The following SCUBE1 variants were observed in gnomAD, a reference collection of about 807,000 sequenced individuals.
SCUBE1 encodes the protein signal peptide, CUB and EGF-like domain-containing protein 1.
Under a neutral mutation model 124.4 loss-of-function variants are expected in SCUBE1, and 59 were observed. That is an observed-to-expected ratio of 0.47 (90% CI 0.38 to 0.59). The LOEUF is 0.59. SCUBE1 is among the 20% of genes least tolerant of loss of function. The probability of loss-of-function intolerance (pLI) is 0.00; values close to 1 mark genes in which losing one functional copy is unlikely to be tolerated. For synonymous variants in SCUBE1, 545 were observed against 550.9 expected, an observed-to-expected ratio of 0.99 and a Z score of 0.15; for missense variants, 1,150 against 1,371.2, an observed-to-expected ratio of 0.84 and a Z score of 2.55.
chr22:43,339,317 C>G, intron 1 of SCUBE1, 82 bp from the exon 2 acceptor site: 1 of 1,405,162 alleles, frequency 7.1e-7, no homozygotes, highest in Non-Finnish European at 9.8e-7. Flanking sequence ...AGGGGGAGCT[C>G]TTGCCTTTGC....
intron 4 of SCUBE1, among the ~76,000 whole-genome samples, chr22:43,277,233 C>T (rs1187725910): frequency 2.6e-5 from 4 of 152,134 alleles, no homozygotes; most frequent in East Asian, 3.9e-4. Flanking sequence ...ATGAGAAGTT[C>T]ACTATGGCTG....
At chr22:43,279,906 T>A (rs1302529290) in intron 4 of SCUBE1, among the ~76,000 whole-genome samples, 2 of 152,140 alleles carry the variant, frequency 1.3e-5, no homozygotes, top group Non-Finnish European at 2.9e-5. Flanking sequence ...AATCCTGATG[T>A]CCCCAGTCCC....
chr22:43,231,123 C>G (rs1922534974), intron 8 of SCUBE1, among the ~76,000 whole-genome samples: 1 of 152,200 alleles, frequency 6.6e-6, no homozygotes, highest in South Asian at 2.1e-4. Context: ...TCCTTGTGGT[C>G]CCCTAAACCT....
intron 4 of SCUBE1, among the ~76,000 whole-genome samples, chr22:43,272,226 G>A (rs553186731): frequency 1.2e-3 from 175 of 152,126 alleles, no homozygotes; most frequent in African/African-American, 4.0e-3. Flanking sequence ...GGGGTCCTGG[G>A]TCCCAGCTGG....
At chr22:43,238,621 C>T in intron 7 of SCUBE1, 1 of 638,880 alleles carries the variant, frequency 1.6e-6, no homozygotes, top group South Asian at 1.8e-5. Context: ...TGCCGTGGGA[C>T]CTGTGTTCTC....
rs116036873 is a variant in SCUBE1, at chr22:43,321,566, C to G, written c.221-1501G>C. On this transcript the variant is annotated intron_variant, in intron 2 of 21. Coordinates refer to ENST00000360835, the MANE Select transcript of SCUBE1 (RefSeq NM_173050.5). ...AACGCGCCAGAGTAAGGGGTCTGGG[C>G]TGTGCAGCCACTCTTGGTGTCCGTG... is the stretch of plus-strand genomic sequence containing the variant. Among the ~76,000 whole-genome samples, 341 of 152,328 alleles carry G rather than the reference C, an allele frequency of 2.2e-3. 1 individual carries two copies. The highest frequency in any genetic ancestry group is 7.8e-3 in the African/African-American group (324 of 41,574).
Position 43,211,196 on chromosome 22 carries a change from G to C in SCUBE1, c.2222-113C>G, listed in dbSNP as rs1921537301. ...CCCTCGAGGTCTGTTTTGGCACAGA[G>C]TTCAAGGCTCCTCCCCACCGCCCCA... On this transcript the variant is annotated intron_variant, in intron 17 of 21. Coordinates refer to ENST00000360835, the MANE Select transcript of SCUBE1 (RefSeq NM_173050.5). The surrounding 1 kb of genome is among the most constrained non-coding windows in gnomAD (Gnocchi z 4.5). The C allele has an allele frequency of 9.0e-7, 1 of 1,114,922 alleles. No homozygotes were observed. Among genetic ancestry groups the C allele is most frequent in the Admixed American group, 2.2e-5 (1 of 44,594 alleles). The allele number at this position is 1,114,922 out of a possible 1,614,324, so 69.1% of individuals were successfully genotyped here. A position where few individuals can be genotyped will look rare whatever the true frequency, so the allele number is the denominator to read the frequency against.
In SCUBE1 at chr22:43,203,784, G is replaced by A; in HGVS notation, c.*213C>T. 2 of 512,634 alleles carry A rather than the reference G, an allele frequency of 3.9e-6. No homozygotes were observed. Among genetic ancestry groups the A allele is most frequent in the Admixed American group, 3.4e-5 (1 of 29,160 alleles). 31.8% of individuals were successfully genotyped at this position (512,634 alleles called of 1,614,324 possible). A position where few individuals can be genotyped will look rare whatever the true frequency, so the allele number is the denominator to read the frequency against. On this transcript the variant is annotated 3_prime_UTR_variant, in exon 22 of 22. Transcript: ENST00000360835. ...GGTGTCCTGGGGAAGGGAGGCAGAG[G>A]GAGGGAGGGAGGCTTCCTGAAGCAG...
intron 6 of SCUBE1, among the ~76,000 whole-genome samples, chr22:43,251,329 C>T (rs755263403): frequency 2.9e-4 from 44 of 152,150 alleles, no homozygotes; most frequent in African/African-American, 5.3e-4. Flanking sequence ...TCTGCCCTAA[C>T]GGAGGGTTCC....
Position 43,255,449 on chromosome 22 carries a change from A to C in SCUBE1, c.727+2770T>G. The C allele has an allele frequency of 6.6e-7, 1 of 1,503,886 alleles. No individual in the cohort carries two copies. The highest frequency in any genetic ancestry group is 9.1e-7 in the Non-Finnish European group (1 of 1,104,608). The allele number at this position is 1,503,886 out of a possible 1,614,324, so 93.2% of individuals were successfully genotyped here. A position where few individuals can be genotyped will look rare whatever the true frequency, so the allele number is the denominator to read the frequency against. ...ACACACATGTGCACACACACACACA[A>C]GTGCAAGTACGACAAAGGAAGTGGA... On this transcript the variant is annotated intron_variant, in intron 6 of 21. Transcript: ENST00000360835. The surrounding 1 kb of genome is among the most constrained non-coding windows in gnomAD (Gnocchi z 4.7).
intron 2 of SCUBE1, among the ~76,000 whole-genome samples, chr22:43,333,797 C>G (rs1480595894): frequency 6.6e-6 from 1 of 152,204 alleles, no homozygotes; most frequent in Non-Finnish European, 1.5e-5. Context: ...TTTGGCCAGT[C>G]ACTTTACCTC....
intron 4 of SCUBE1, among the ~76,000 whole-genome samples, chr22:43,271,354 G>A (rs917959315): frequency 3.3e-5 from 5 of 152,134 alleles, no homozygotes; most frequent in African/African-American, 1.2e-4. Context: ...AACACTCAGT[G>A]AATGCACAGA....
At position 43,269,262 on chromosome 22, in the gene SCUBE1, C is replaced by T. The variant is rs115019105; in HGVS notation, c.485-6417G>A. ...ACAGGCCCTGGCAGCCCTTCCCCAC[C>T]GGGGCCTATCTTCCCCCAAGGCCTT... On this transcript the variant is annotated intron_variant, in intron 4 of 21. Coordinates refer to ENST00000360835, the MANE Select transcript of SCUBE1 (RefSeq NM_173050.5). 4.2e-3 allele frequency among the ~76,000 whole-genome samples: 636 copies of T among 152,292 alleles called. 9 individuals carry two copies. The highest frequency in any genetic ancestry group is 0.014 in the African/African-American group (601 of 41,558).
At chr22:43,298,738 T>C (rs1925655535) in intron 3 of SCUBE1, among the ~76,000 whole-genome samples, 2 of 151,132 alleles carry the variant, frequency 1.3e-5, no homozygotes, top group South Asian at 4.2e-4. Context: ...GCTCTACAAG[T>C]CATACCAGAT....
At chr22:43,219,009 C>T (rs1921963542) in intron 14 of SCUBE1, among the ~76,000 whole-genome samples, 1 of 152,250 alleles carries the variant, frequency 6.6e-6, no homozygotes, top group Admixed American at 6.5e-5. Context: ...TTCCTTGCCA[C>T]CTTTTCCACC....
chr22:43,208,059 C>T lies in SCUBE1; in HGVS notation c.2734+13G>A, dbSNP rs1921371438. ...AGCCGTGCACAGTGGGCCGTGAAGACAGTGGATCTTACCATCGTAGGTGAC... is the reference window on the plus strand; with the variant it reads ...AGCCGTGCACAGTGGGCCGTGAAGATAGTGGATCTTACCATCGTAGGTGAC... On this transcript the variant is annotated intron_variant, in intron 20 of 21. Transcript: ENST00000360835. 6.2e-7 allele frequency: 1 copy of T among 1,613,968 alleles called. No individual in the cohort carries two copies. Among genetic ancestry groups the T allele is most frequent in the Non-Finnish European group, 8.5e-7 (1 of 1,179,958 alleles).
chr22:43,258,824 T>C lies in SCUBE1; in HGVS notation c.611-489A>G, dbSNP rs959229172. On this transcript the variant is annotated intron_variant, in intron 5 of 21. Transcript: ENST00000360835. This position sits in a 1 kb window ranked among gnomAD's most constrained non-coding sequence, Gnocchi z 5.0. ...CTTCCTCTGCCTGTCTTGGGGTGTG[T>C]GGATGTCTCCACGGAGGTCCCCCCT... 2.0e-5 allele frequency among the ~76,000 whole-genome samples: 3 copies of C among 152,164 alleles called. No individual in the cohort carries two copies. The highest frequency in any genetic ancestry group is 4.8e-5 in the African/African-American group (2 of 41,432).
intron 4 of SCUBE1, among the ~76,000 whole-genome samples, chr22:43,284,240 G>A (rs1601858582): frequency 6.6e-6 from 1 of 152,352 alleles, no homozygotes; most frequent in Non-Finnish European, 1.5e-5. Flanking sequence ...TTCTGTCTCC[G>A]TAACTGAGTT....
chr22:43,261,959 C>T (rs973982935), intron 5 of SCUBE1, among the ~76,000 whole-genome samples: 1 of 152,126 alleles, frequency 6.6e-6, no homozygotes, highest in Non-Finnish European at 1.5e-5. Context: ...GTTCAGCCAT[C>T]GTTCTACTTG....
Sources: allele counts gnomAD v4.1 joint callset (sites outside exome capture counted in the v4.1 genomes callset), GRCh38; gene constraint gnomAD v4.1.1; non-coding constraint Gnocchi (gnomAD v3.1); transcripts MANE v1.5; gene names NCBI Gene and HGNC (gene_info 2026-07-23, HGNC 2026-07-21).